The following SMYD3 variants were observed in gnomAD, a reference collection of about 807,000 sequenced individuals.
SMYD3 encodes the protein SET and MYND domain containing 3.
In SMYD3, 36 loss-of-function variants were observed where a neutral mutation model predicts 57.7. That is an observed-to-expected ratio of 0.62 (90% CI 0.48 to 0.82). SMYD3 has a LOEUF of 0.82. SMYD3 is among the 40% of genes least tolerant of loss of function. SMYD3 has a pLI of 0.00. For missense variants in SMYD3, 515 were observed against 538.8 expected, an observed-to-expected ratio of 0.96 and a Z score of 0.44; for synonymous variants, 211 against 195.0, an observed-to-expected ratio of 1.08 and a Z score of -0.68.
intron 8 of SMYD3, among the ~76,000 whole-genome samples, chr1:245,866,225 G>A (rs1382679813): frequency 1.3e-5 from 2 of 152,206 alleles, no homozygotes; most frequent in African/African-American, 4.8e-5. Context: ...CTCCTTCTGA[G>A]GCTGGGGCAG....
intron 1 of SMYD3, among the ~76,000 whole-genome samples, chr1:246,370,477 T>C (rs1178631419): frequency 1.3e-5 from 2 of 152,224 alleles, no homozygotes; most frequent in African/African-American, 4.8e-5. Flanking sequence ...AAACCTGCAA[T>C]ACTTACTAGG....
At chr1:246,263,545 G>C (rs2064049979) in intron 5 of SMYD3, among the ~76,000 whole-genome samples, 2 of 152,194 alleles carry the variant, frequency 1.3e-5, no homozygotes, top group Non-Finnish European at 2.9e-5. Context: ...TGAATGAGCT[G>C]ATCTTCATAC....
rs777756092 is a variant in SMYD3, at chr1:246,221,118, C to T, written c.531+106083G>A. ...CCTCCTCTCTGCCAAGAGCTGGAGA[C>T]AACGGAACAACTAGCCAAACAGAGA... On this transcript the variant is annotated intron_variant, in intron 5 of 11. Transcript: ENST00000490107. 6.2e-4 allele frequency among the ~76,000 whole-genome samples: 95 copies of T among 152,044 alleles called. 2 individuals carry two copies. Among genetic ancestry groups the T allele is most frequent in the Non-Finnish European group, 2.4e-4 (16 of 68,028 alleles).
At chr1:246,279,180 G>A (rs1359696368) in intron 5 of SMYD3, among the ~76,000 whole-genome samples, 1 of 152,160 alleles carries the variant, frequency 6.6e-6, no homozygotes, top group African/African-American at 2.4e-5. Flanking sequence ...TGGCCCCAGT[G>A]GACATGACAC....
chr1:246,335,924 G>A lies in SMYD3; in HGVS notation c.229-450C>T, dbSNP rs150360043. ...CCTTCTGAATTTCTGTGCTGCTACA[G>A]AAATATCAGGAGGGCTAACACACCC... On this transcript the variant is annotated intron_variant, in intron 2 of 11. Coordinates refer to ENST00000490107, the MANE Select transcript of SMYD3 (RefSeq NM_001167740.2). Among the ~76,000 whole-genome samples the A allele has an allele frequency of 6.8e-3, 1,039 of 152,270 alleles. 12 individuals carry two copies. Among genetic ancestry groups the A allele is most frequent in the African/African-American group, 0.024 (977 of 41,554 alleles).
In SMYD3 at chr1:246,327,302, G is replaced by C; in HGVS notation, c.430C>G (p.Leu144Val). 1 of 1,613,738 alleles carries C rather than the reference G, an allele frequency of 6.2e-7. No individual in the cohort carries two copies. ...TGAAATGTCATTACGAGTTGCCTGA[G>C]GCCCTCTTTCTTATCTTCAGTCAGT... is the stretch of plus-strand genomic sequence containing the variant. ...NKLTEDKKEG[L>V]RQLVMTFQHF... Residue 144 changes from leucine to valine, a missense_variant, in exon 5 of 12, where the codon CTC (leucine) becomes GTC (valine). Physicochemically the swap from Leu to Val is conservative, Grantham distance 32. Transcript: ENST00000490107.
intron 1 of SMYD3, among the ~76,000 whole-genome samples, chr1:246,491,862 G>C (rs2068277072): frequency 6.6e-6 from 1 of 152,132 alleles, no homozygotes; most frequent in Non-Finnish European, 1.5e-5. Flanking sequence ...CTCAGACAAG[G>C]CCACTCTGTG....
intron 5 of SMYD3, among the ~76,000 whole-genome samples, chr1:246,073,892 G>A (rs193295228): frequency 9.1e-4 from 139 of 152,156 alleles, no homozygotes; most frequent in African/African-American, 2.9e-3. Flanking sequence ...CCATTCTGGC[G>A]CAACCATATG....
intron 10 of SMYD3, among the ~76,000 whole-genome samples, chr1:245,789,814 T>C (rs1005626386): frequency 6.6e-6 from 1 of 152,254 alleles, no homozygotes. Flanking sequence ...AGCTGGCAAT[T>C]ATAGCTCCTT....
In SMYD3 at chr1:246,362,695, G is replaced by A. The variant is rs1008572668; in HGVS notation, c.165-7601C>T. Reference sequence around the variant, plus strand: ...CCGGGCTGGTCTCCAGCTCCTAACCGCGAGTGATCCGCCAGCCTCGGCCTC... The same window carrying A: ...CCGGGCTGGTCTCCAGCTCCTAACCACGAGTGATCCGCCAGCCTCGGCCTC... On this transcript the variant is annotated intron_variant, in intron 1 of 11. Coordinates refer to ENST00000490107, the MANE Select transcript of SMYD3 (RefSeq NM_001167740.2). Among the ~76,000 whole-genome samples, 7 of 152,380 alleles carry A rather than the reference G, an allele frequency of 4.6e-5. No homozygotes were observed. The South Asian group carries it at 8.3e-4, about 18-fold the overall frequency.
intron 1 of SMYD3, among the ~76,000 whole-genome samples, chr1:246,493,743 C>T (rs934708836): frequency 1.3e-5 from 2 of 151,042 alleles, no homozygotes; most frequent in Non-Finnish European, 3.0e-5. Context: ...CAGCTCAAAA[C>T]CCAGCACTCA....
At chr1:246,196,796 A>C (rs2062835006) in intron 5 of SMYD3, among the ~76,000 whole-genome samples, 1 of 152,224 alleles carries the variant, frequency 6.6e-6, no homozygotes, top group Non-Finnish European at 1.5e-5. Flanking sequence ...AAAACTCATT[A>C]GCAATAAACA....
At chr1:246,190,213 C>T (rs2062710454) in intron 5 of SMYD3, among the ~76,000 whole-genome samples, 1 of 151,594 alleles carries the variant, frequency 6.6e-6, no homozygotes, top group African/African-American at 2.4e-5. Context: ...TACTGCTTAA[C>T]AAAGGATTAA....
chr1:246,344,157 A>C (rs1468849786), intron 2 of SMYD3, among the ~76,000 whole-genome samples: 3 of 152,180 alleles, frequency 2.0e-5, no homozygotes, highest in African/African-American at 7.2e-5. Context: ...TGCTGGGATT[A>C]CATGCACGTG....
intron 1 of SMYD3, among the ~76,000 whole-genome samples, chr1:246,365,393 G>A (rs2066082192): frequency 1.3e-5 from 2 of 151,240 alleles, no homozygotes; most frequent in African/African-American, 4.9e-5. Flanking sequence ...TACTTGGGAG[G>A]CTGAGGTGGG....
intron 1 of SMYD3, among the ~76,000 whole-genome samples, chr1:246,495,460 A>G (rs2068346168): frequency 6.6e-6 from 1 of 151,156 alleles, no homozygotes. Flanking sequence ...AATCTCCCCG[A>G]GTGCTTTCAA....
At chr1:245,790,114 A>G (rs2791384) in intron 10 of SMYD3, among the ~76,000 whole-genome samples, 40,093 of 152,108 alleles carry the variant, frequency 0.26, 6,784 homozygotes, top group African/African-American at 0.47. Context: ...GCAGGCTTCA[A>G]AAGGGACCTA....
intron 5 of SMYD3, among the ~76,000 whole-genome samples, chr1:245,994,186 G>T (rs1425044946): frequency 6.6e-6 from 1 of 152,122 alleles, no homozygotes; most frequent in Non-Finnish European, 1.5e-5. Context: ...CATTAAGTAG[G>T]AATTTTTAAT....
intron 5 of SMYD3, among the ~76,000 whole-genome samples, chr1:246,273,483 C>T (rs996436314): frequency 4.7e-5 from 7 of 150,216 alleles, no homozygotes; most frequent in Non-Finnish European, 8.9e-5. Context: ...TTTATTTTAG[C>T]AATTGGAATC....
Sources: allele counts gnomAD v4.1 joint callset (sites outside exome capture counted in the v4.1 genomes callset), GRCh38; gene constraint gnomAD v4.1.1; transcripts MANE v1.5; gene names NCBI Gene and HGNC (gene_info 2026-07-23, HGNC 2026-07-21).